ZP1: variants seen among roughly 807,000 people sequenced by gnomAD.
The protein encoded by ZP1 is zona pellucida glycoprotein 1.
ZP1 carries 58 observed loss-of-function variants against 67.4 expected under a neutral mutation model. That is an observed-to-expected ratio of 0.86 (90% confidence interval 0.70 to 1.07). The LOEUF (loss-of-function observed/expected upper bound fraction) is 1.07. ZP1 is among the 50% of genes least tolerant of loss of function. The pLI is 0.00. For missense variants in ZP1, 759 were observed against 807.3 expected (o/e 0.94, Z 0.72); for synonymous variants, 333 against 332.7 (o/e 1.00, Z -0.01).
rs750255819 is a variant in ZP1, at chr11:60,871,109, T to C, written c.979T>C (p.Tyr327His). ...TQHTEAFVVF[Y>H]FPLTHCGTTM... ...GCACACGGAAGCTTTCGTGGTCTTC[T>C]ACTTCCCTCTCACCCACTGTGGAAC... is the stretch of plus-strand genomic sequence containing the variant. Residue 327 changes from tyrosine (Y) to histidine (H), a missense_variant, in exon 5 of 12, where the codon TAC becomes CAC. By Grantham distance (83) the Tyr-to-His change is moderately conservative. Transcript: ENST00000278853. The C allele has an allele frequency of 1.7e-5, 27 of 1,614,042 alleles. No individual in the cohort carries two copies. The South Asian group carries it at 3.0e-4, about 18-fold the overall frequency.
At chr11:60,873,899 C>T (rs958210728) in intron 9 of ZP1, 124 bp downstream of exon 9, 1 of 1,326,464 alleles carries the variant, frequency 7.5e-7, no homozygotes, top group Non-Finnish European at 1.0e-6. Flanking sequence ...TTGGCGTCTA[C>T]CAGGTGTCAT....
intron 11 of ZP1, 52 bp from the exon 12 acceptor site, chr11:60,875,462 G>C: frequency 6.2e-7 from 1 of 1,604,086 alleles, no homozygotes; most frequent in Non-Finnish European, 8.5e-7. Context: ...TGGGGTGGAG[G>C]GGAGGGTTGG....
At position 60,875,123 on chromosome 11, in the gene ZP1, G is replaced by A. The variant is rs781387934; in HGVS notation, c.1655-6G>A. The A allele has an allele frequency of 1.2e-6, 2 of 1,613,856 alleles. No homozygotes were observed. Among genetic ancestry groups the A allele is most frequent in the South Asian group, 1.1e-5 (1 of 91,074 alleles). Reference sequence around the variant, plus strand: ...CAGCCCAAGATTTCATTCTTCCCCTGGGCAGGACAGCGACGATCCTCAGGT... The same window carrying A: ...CAGCCCAAGATTTCATTCTTCCCCTAGGCAGGACAGCGACGATCCTCAGGT... On this transcript the variant is annotated splice_polypyrimidine_tract_variant and splice_region_variant and intron_variant, in intron 10 of 11. Coordinates refer to ENST00000278853, the MANE Select transcript of ZP1 (RefSeq NM_207341.4).
chr11:60,870,445 A>C lies in ZP1; in HGVS notation c.796A>C (p.Arg266=). The C allele has an allele frequency of 6.2e-7, 1 of 1,612,522 alleles. No homozygotes were observed. The highest frequency in any genetic ancestry group is 8.5e-7 in the Non-Finnish European group (1 of 1,179,372). Residue 266 remains arginine (R), a synonymous_variant, in exon 4 of 12, where the codon AGA becomes CGA. Coordinates refer to ENST00000278853, the MANE Select transcript of ZP1 (RefSeq NM_207341.4). ...GGCTGGCTGCTGCTATGACAACACCAGAGAGGTTCCCTGTTACTATGGCAA... is the reference window on the plus strand; with the variant it reads ...GGCTGGCTGCTGCTATGACAACACCCGAGAGGTTCCCTGTTACTATGGCAA... ...QQAGCCYDNT[R]EVPCYYGNTA...
At chr11:60,872,125 G>A (rs562952485) in intron 6 of ZP1, among the ~76,000 whole-genome samples, 45 of 152,290 alleles carry the variant, frequency 3.0e-4, no homozygotes, top group African/African-American at 1.0e-3. Flanking sequence ...TGATACCAGC[G>A]CTTTGGGAGG....
intron 1 of ZP1, 80 bp downstream of exon 1, chr11:60,867,837 A>T: frequency 6.6e-7 from 1 of 1,509,192 alleles, no homozygotes; most frequent in Non-Finnish European, 8.9e-7. Context: ...CTTCCCCTGA[A>T]GGAGCAAGAA....
intron 1 of ZP1, 102 bp downstream of exon 1, chr11:60,867,859 CTCCAGCCTGGGGGTG>C: frequency 7.3e-7 from 1 of 1,362,402 alleles, no homozygotes; most frequent in South Asian, 1.4e-5. Context: ...AGAGGCCTCC[CTCCAGCCTGGGGGTG>C]TCCAGCCCCC....
chr11:60,873,602 C>CTG, intron 8 of ZP1, 32 bp from the exon 9 acceptor site: 1 of 1,614,130 alleles, frequency 6.2e-7, no homozygotes, highest in East Asian at 2.2e-5. Context: ...GCTCTGCCTC[C>CTG]TGTAAACAGC....
rs567073936 is a variant in ZP1, at chr11:60,867,832, C to T, written c.196+75C>T. On this transcript the variant is annotated intron_variant, in intron 1 of 11. Coordinates refer to ENST00000278853, the MANE Select transcript of ZP1 (RefSeq NM_207341.4). ...GCCAGAAGGGAGCTGGGACCCTTCC[C>T]CTGAAGGAGCAAGAACAGAGGCCTC... 3 of 1,511,474 alleles carry T rather than the reference C, an allele frequency of 2.0e-6. No homozygotes were observed. In the African/African-American group the frequency reaches 4.2e-5, roughly 21 times the overall value. 93.6% of individuals were successfully genotyped at this position (1,511,474 alleles called of 1,614,324 possible).
chr11:60,873,421 G>C lies in ZP1; in HGVS notation c.1287G>C (p.Val429=). The stretch of plus-strand genomic sequence containing the variant: ...ATGGGGAGGATGACTATCCCATCGT[G>C]AGGCTGCTCCGAGAACCAGTCCATG... The part of the protein sequence containing the change: ...SYYGEDDYPI[V]RLLREPVHVE... The change falls in exon 8 of 12, where the codon GTG becomes GTC. Residue 429 remains valine, a synonymous_variant. Transcript: ENST00000278853. 1 of 1,612,554 alleles carries C rather than the reference G, an allele frequency of 6.2e-7. No individual in the cohort carries two copies. The highest frequency in any genetic ancestry group is 8.5e-7 in the Non-Finnish European group (1 of 1,178,776).
rs1855498655 is a variant in ZP1, at chr11:60,867,772, A to G, written c.196+15A>G. ...CAAGGTGGTGGGTGAGTGCTGGCAGAGTCCTGGCCCCTGCCTCCCTGGCCA... is the reference window on the plus strand; with the variant it reads ...CAAGGTGGTGGGTGAGTGCTGGCAGGGTCCTGGCCCCTGCCTCCCTGGCCA... On this transcript the variant is annotated intron_variant, in intron 1 of 11. Coordinates refer to ENST00000278853, the MANE Select transcript of ZP1 (RefSeq NM_207341.4). 1 of 1,608,210 alleles carries G rather than the reference A, an allele frequency of 6.2e-7. No homozygotes were observed. Among genetic ancestry groups the G allele is most frequent in the Non-Finnish European group, 8.5e-7 (1 of 1,177,636 alleles).
rs768600771 is a variant in ZP1, at chr11:60,869,844, C to G, written c.626C>G (p.Ala209Gly). The G allele has an allele frequency of 1.3e-6, 2 of 1,599,796 alleles. No homozygotes were observed. The highest frequency in any genetic ancestry group is 1.7e-6 in the Non-Finnish European group (2 of 1,172,244). The change falls in exon 3 of 12, where the codon GCT becomes GGT. Residue 209 changes from alanine (A) to glycine (G), a missense_variant. Transcript: ENST00000278853. Reference sequence around the variant, plus strand: ...CCTGGACCTACCCTCGCCACCCTGGCTCAACCCCACTGGGGCACCTTGGAA... The same window carrying G: ...CCTGGACCTACCCTCGCCACCCTGGGTCAACCCCACTGGGGCACCTTGGAA... Reference protein sequence around the residue: ...PGPGPTLATLAQPHWGTLEHW... With the variant: ...PGPGPTLATLGQPHWGTLEHW...
At chr11:60,871,978 T>G (rs1383267831) in intron 6 of ZP1, among the ~76,000 whole-genome samples, 1 of 152,210 alleles carries the variant, frequency 6.6e-6, no homozygotes, top group Non-Finnish European at 1.5e-5. Context: ...ATCTTGTGCT[T>G]GACACTGCAT....
intron 9 of ZP1, 48 bp from the exon 10 acceptor site, chr11:60,874,885 C>A: frequency 1.3e-6 from 2 of 1,584,744 alleles, no homozygotes; most frequent in Non-Finnish European, 1.7e-6. Flanking sequence ...GTGCTTCCTG[C>A]CCGGTGGCAC....
chr11:60,875,314 A>T lies in ZP1; in HGVS notation c.1774+66A>T. 14 of 1,558,798 alleles carry T rather than the reference A, an allele frequency of 9.0e-6. No individual in the cohort carries two copies. The South Asian group carries it at 1.6e-4, about 17-fold the overall frequency. On this transcript the variant is annotated intron_variant, in intron 11 of 11. Coordinates refer to ENST00000278853, the MANE Select transcript of ZP1 (RefSeq NM_207341.4). ...TCTCAGCCCCCAAGATTGTGCTGACAAAACAGGGATGCTCCAGCCATAGCT... is the reference window on the plus strand; with the variant it reads ...TCTCAGCCCCCAAGATTGTGCTGACTAAACAGGGATGCTCCAGCCATAGCT...
chr11:60,874,569 T>C (rs1463004661), intron 9 of ZP1, among the ~76,000 whole-genome samples: 2 of 152,052 alleles, frequency 1.3e-5, no homozygotes, highest in African/African-American at 4.8e-5. Context: ...GTAGGGCAGG[T>C]GGAAGGGAGA....
At position 60,869,693 on chromosome 11, in the gene ZP1, C is replaced by T; in HGVS notation, c.475C>T (p.Pro159Ser). The change falls in exon 3 of 12, where the codon CCA becomes TCA. Residue 159 changes from proline to serine, a missense_variant. By Grantham distance (74) the Pro-to-Ser change is moderately conservative. Coordinates refer to ENST00000278853, the MANE Select transcript of ZP1 (RefSeq NM_207341.4). ...ACCCGCCATGTTCTCTGTCTCAACC[C>T]CACAAACCCTTTCCTTCCTCCCCAC... ...APPAMFSVSTPQTLSFLPTSG... is the reference protein window; with the variant it reads ...APPAMFSVSTSQTLSFLPTSG... 6.2e-7 allele frequency: 1 copy of T among 1,614,168 alleles called. No homozygotes were observed. The highest frequency in any genetic ancestry group is 1.7e-5 in the Admixed American group (1 of 60,022).
intron 3 of ZP1, 93 bp from the exon 4 acceptor site, chr11:60,870,239 C>A: frequency 7.9e-7 from 1 of 1,272,686 alleles, no homozygotes; most frequent in Non-Finnish European, 1.0e-6. Context: ...TGGCTAAGAG[C>A]ACAAGCTCTG....
At chr11:60,873,799 G>GCCTGGTC in intron 9 of ZP1, 24 bp downstream of exon 9, 2 of 1,612,038 alleles carry the variant, frequency 1.2e-6, no homozygotes, top group Non-Finnish European at 1.7e-6. Context: ...GCTGCCGCAT[G>GCCTGGTC]CCTGGTCCCA....
Sources: gnomAD v4.1 joint callset for allele counts (sites outside exome capture counted in the v4.1 genomes callset) on GRCh38, gnomAD v4.1.1 for gene constraint, MANE v1.5 for transcripts, NCBI Gene and HGNC (gene_info 2026-07-23, HGNC 2026-07-21) for gene names.